APBB2: variants seen among roughly 807,000 people sequenced by gnomAD.
The protein encoded by APBB2 is Fe65-like 1.
APBB2 carries 38 observed loss-of-function variants against 82.5 expected under a neutral mutation model. The observed-to-expected ratio is 0.46, with a 90% CI of 0.36 to 0.60. APBB2 has a LOEUF of 0.60. Ranked by LOEUF, APBB2 falls within the 20% of genes least tolerant of loss-of-function variation. The probability of loss-of-function intolerance (pLI) is 0.00; values close to 1 mark genes in which losing one functional copy is unlikely to be tolerated. For missense variants in APBB2, 772 were observed against 972.3 expected (o/e 0.79, Z 2.74); for synonymous variants, 341 against 368.2 (o/e 0.93, Z 0.85).
At chr4:40,964,852 G>C (rs1794242674) in intron 6 of APBB2, among the ~76,000 whole-genome samples, 1 of 151,558 alleles carries the variant, frequency 6.6e-6, no homozygotes, top group Non-Finnish European at 1.5e-5. Context: ...CGGTAGTGGT[G>C]GCTCACACCT....
At chr4:41,196,025 T>TG in intron 1 of APBB2, among the ~76,000 whole-genome samples, 1 of 141,388 alleles carries the variant, frequency 7.1e-6, no homozygotes, top group Non-Finnish European at 1.5e-5. Flanking sequence ...CTGGGTGTGG[T>TG]GGCGGCGCCT....
intron 1 of APBB2, among the ~76,000 whole-genome samples, chr4:41,212,651 C>A (rs1216938509): frequency 6.6e-6 from 1 of 152,148 alleles, no homozygotes; most frequent in Non-Finnish European, 1.5e-5. Flanking sequence ...TATCTAGAGA[C>A]GTGGTTACAT....
rs1419280728 is a variant in APBB2, at chr4:40,815,689, G to A, written c.*403C>T. The A allele has an allele frequency of 5.5e-6, 1 of 181,852 alleles. No homozygotes were observed. Among genetic ancestry groups the A allele is most frequent in the Non-Finnish European group, 1.2e-5 (1 of 84,000 alleles). The allele number at this position is 181,852 out of a possible 1,614,324, so 11.3% of individuals were successfully genotyped here. On this transcript the variant is annotated 3_prime_UTR_variant, in exon 18 of 18. Coordinates refer to ENST00000508593, the MANE Select transcript of APBB2 (RefSeq NM_004307.2). ...TTGAAAACAGGGCAAAGTGCTGTAG[G>A]ACTTAAAGGTTGCTTGTGACAGGTC...
rs77481902 is a variant in APBB2 at position 40,898,006 on chromosome 4, G to A, written c.1255-4595C>T. Among the ~76,000 whole-genome samples the A allele has an allele frequency of 2.0e-5, 3 of 152,170 alleles. No individual in the cohort carries two copies. In the East Asian group the frequency reaches 5.8e-4, roughly 29 times the overall value. The stretch of plus-strand genomic sequence containing the variant: ...TTCTTCAATAGTTCTTAACCAAAAG[G>A]GCAAAAGAGTAATGGTTCAGGGTAG... On this transcript the variant is annotated intron_variant, in intron 10 of 17. Coordinates refer to ENST00000508593, the MANE Select transcript of APBB2 (RefSeq NM_004307.2).
chr4:40,945,620 T>C (rs1276193049), intron 6 of APBB2, among the ~76,000 whole-genome samples: 3 of 152,156 alleles, frequency 2.0e-5, no homozygotes, highest in Admixed American at 6.5e-5. Flanking sequence ...ACTCTAGAAT[T>C]CTTTTTTTTC....
At chr4:41,129,491 G>A (rs1755355469) in intron 2 of APBB2, among the ~76,000 whole-genome samples, 1 of 152,166 alleles carries the variant, frequency 6.6e-6, no homozygotes, top group African/African-American at 2.4e-5. Context: ...AGAATTACTT[G>A]CTTTTTTACT....
intron 10 of APBB2, among the ~76,000 whole-genome samples, chr4:40,920,610 G>A (rs1424020678): frequency 6.6e-6 from 1 of 152,220 alleles, no homozygotes; most frequent in East Asian, 1.9e-4. Context: ...AGTGGCTCAT[G>A]CCTGTAATCC....
In APBB2 at chr4:40,866,987, C is replaced by T. The variant is rs150912730; in HGVS notation, c.1529+23377G>A. Among the ~76,000 whole-genome samples, 3 of 152,284 alleles carry T rather than the reference C, an allele frequency of 2.0e-5. No homozygotes were observed. In the East Asian group the frequency reaches 5.8e-4, roughly 29 times the overall value. Reference sequence around the variant, plus strand: ...GTCAGGCTGGTCTCGAACTCCTGACCTCAACTGATCTGCCTGCCTCGGCCT... The same window carrying T: ...GTCAGGCTGGTCTCGAACTCCTGACTTCAACTGATCTGCCTGCCTCGGCCT... On this transcript the variant is annotated intron_variant, in intron 12 of 17. Coordinates refer to ENST00000508593, the MANE Select transcript of APBB2 (RefSeq NM_004307.2).
At chr4:41,033,214 A>G in intron 5 of APBB2, 22 bp downstream of exon 5, 1 of 1,493,334 alleles carries the variant, frequency 6.7e-7, no homozygotes, top group Non-Finnish European at 9.3e-7. Flanking sequence ...TCTGCATTGA[A>G]ATATGAGAAA....
At chr4:41,154,398 G>A (rs1762981020) in intron 1 of APBB2, among the ~76,000 whole-genome samples, 1 of 152,176 alleles carries the variant, frequency 6.6e-6, no homozygotes, top group South Asian at 2.1e-4. Flanking sequence ...TTGCCTTAAG[G>A]AAGTCCATTT....
At chr4:41,095,698 T>C (rs1209002008) in intron 3 of APBB2, among the ~76,000 whole-genome samples, 3 of 152,178 alleles carry the variant, frequency 2.0e-5, no homozygotes, top group African/African-American at 7.2e-5. Flanking sequence ...AGTCCTCCCA[T>C]CTGCTGCTCA....
intron 6 of APBB2, among the ~76,000 whole-genome samples, chr4:40,947,057 T>C (rs1183587880): frequency 6.6e-6 from 1 of 152,242 alleles, no homozygotes; most frequent in African/African-American, 2.4e-5. Context: ...AATTTCAAGT[T>C]AACCAAATTT....
chr4:41,160,660 T>C (rs1764922276), intron 1 of APBB2, among the ~76,000 whole-genome samples: 1 of 152,092 alleles, frequency 6.6e-6, no homozygotes, highest in Admixed American at 6.5e-5. Flanking sequence ...CCTTCCCTGG[T>C]CTCCCTCTCA....
chr4:40,848,815 T>A, intron 12 of APBB2: 2 of 978,908 alleles, frequency 2.0e-6, no homozygotes, highest in Non-Finnish European at 2.4e-6. Flanking sequence ...CTGCTTGGTC[T>A]GCTTTTCCCC....
intron 1 of APBB2, among the ~76,000 whole-genome samples, chr4:41,191,158 G>A (rs575559554): frequency 3.9e-4 from 60 of 152,312 alleles, no homozygotes; most frequent in African/African-American, 1.4e-3. Context: ...TTTCACTCAT[G>A]GGACCAGAGG....
At chr4:40,850,874 G>A (rs896534292) in intron 12 of APBB2, among the ~76,000 whole-genome samples, 15 of 152,230 alleles carry the variant, frequency 9.9e-5, no homozygotes, top group Non-Finnish European at 2.2e-4. Context: ...GAGCCCAGGA[G>A]GTCAAGGCTG....
chr4:40,848,719 C>T (rs1342177161), intron 12 of APBB2, among the ~76,000 whole-genome samples: 4 of 152,146 alleles, frequency 2.6e-5, no homozygotes, highest in East Asian at 1.9e-4. Context: ...CCCGCCCCAC[C>T]GCCGCAAACT....
chr4:41,197,927 C>G, intron 1 of APBB2, among the ~76,000 whole-genome samples: 1 of 152,146 alleles, frequency 6.6e-6, no homozygotes, highest in Non-Finnish European at 1.5e-5. Flanking sequence ...AAATTTGAGG[C>G]CTTTCTGGTT....
chr4:41,031,595 C>T (rs866092247), intron 5 of APBB2, among the ~76,000 whole-genome samples: 11 of 152,158 alleles, frequency 7.2e-5, no homozygotes, highest in African/African-American at 2.7e-4. Flanking sequence ...AAAACATCAG[C>T]ATAACAAAAT....
Sources: gnomAD v4.1 joint callset for allele counts (sites outside exome capture counted in the v4.1 genomes callset) on GRCh38, gnomAD v4.1.1 for gene constraint, MANE v1.5 for transcripts, NCBI Gene and HGNC (gene_info 2026-07-23, HGNC 2026-07-21) for gene names.